Variants in XPO4 observed in about 807,000 individuals in gnomAD.
The protein encoded by XPO4 is exportin-4.
In XPO4, 39 loss-of-function variants were observed where a neutral mutation model predicts 143.0. The ratio of observed to expected loss-of-function variants is 0.27; its 90% CI spans 0.21 to 0.36. The LOEUF (loss-of-function observed/expected upper bound fraction) is 0.36. XPO4 is among the 10% of genes least tolerant of loss of function. The pLI is 1.00. For synonymous variants in XPO4, 439 were observed against 474.0 expected, an observed-to-expected ratio of 0.93 and a Z score of 0.96; for missense variants, 907 against 1,348.0, an observed-to-expected ratio of 0.67 and a Z score of 5.12.
intron 18 of XPO4, among the ~76,000 whole-genome samples, chr13:20,791,030 T>A (rs985625161): frequency 2.4e-4 from 37 of 151,902 alleles, no homozygotes; most frequent in Non-Finnish European, 2.2e-4. Flanking sequence ...ATACAGAAAT[T>A]AAAATGTTAC....
chr13:20,842,477 A>G (rs2059986340), intron 6 of XPO4, among the ~76,000 whole-genome samples: 2 of 152,222 alleles, frequency 1.3e-5, no homozygotes, highest in African/African-American at 2.4e-5. Flanking sequence ...CAACATCACC[A>G]TCCATAAAGA....
chr13:20,794,422 C>A (rs2059329043), intron 18 of XPO4, among the ~76,000 whole-genome samples: 1 of 152,066 alleles, frequency 6.6e-6, no homozygotes, highest in Non-Finnish European at 1.5e-5. Flanking sequence ...GACAGTAAAT[C>A]ATCTAAACAT....
intron 1 of XPO4, among the ~76,000 whole-genome samples, chr13:20,874,320 A>AT (rs1437727986): frequency 6.6e-6 from 1 of 152,264 alleles, no homozygotes; most frequent in Non-Finnish European, 1.5e-5. Context: ...TGTTCAACTC[A>AT]TATCATAGAG....
rs61343009 is a variant in XPO4 at position 20,851,859 on chromosome 13, C to T, written c.456+3768G>A. 3,672 of 985,362 alleles carry T rather than the reference C, an allele frequency of 3.7e-3. 99 individuals are homozygous for T. The African/African-American group carries it at 0.058, about 16-fold the overall frequency. The allele number at this position is 985,362 out of a possible 1,614,324, so 61.0% of individuals were successfully genotyped here. On this transcript the variant is annotated intron_variant, in intron 4 of 22. Coordinates refer to ENST00000255305, the MANE Select transcript of XPO4 (RefSeq NM_022459.5). ...ATGAAGAGAGCAAAATCTTCTCTAACTGAACAGCTATATCTGTTCCAATCA... is the reference window on the plus strand; with the variant it reads ...ATGAAGAGAGCAAAATCTTCTCTAATTGAACAGCTATATCTGTTCCAATCA...
chr13:20,884,598 G>A (rs774376138), intron 1 of XPO4, among the ~76,000 whole-genome samples: 1 of 152,014 alleles, frequency 6.6e-6, no homozygotes, highest in Non-Finnish European at 1.5e-5. Flanking sequence ...TTTTTATAGA[G>A]ATGGGATTTT....
At chr13:20,878,904 A>T (rs796193013) in intron 1 of XPO4, among the ~76,000 whole-genome samples, 3 of 152,226 alleles carry the variant, frequency 2.0e-5, no homozygotes, top group Non-Finnish European at 2.9e-5. Flanking sequence ...ATTTCTTTAA[A>T]TAAGTGGGCC....
intron 1 of XPO4, among the ~76,000 whole-genome samples, chr13:20,881,255 T>A (rs2060406541): frequency 2.0e-5 from 3 of 152,102 alleles, no homozygotes; most frequent in African/African-American, 7.2e-5. Context: ...TGGCAAATTT[T>A]ATGTTGAATT....
intron 6 of XPO4, among the ~76,000 whole-genome samples, chr13:20,840,038 AAAAG>A (rs2059958129): frequency 6.6e-6 from 1 of 152,050 alleles, no homozygotes; most frequent in Non-Finnish European, 1.5e-5. Context: ...ATAGATACAA[AAAAG>A]AAAGCAGATT....
At chr13:20,857,763 C>A (rs2060159263) in intron 3 of XPO4, 1 of 840,042 alleles carries the variant, frequency 1.2e-6, no homozygotes, top group Admixed American at 6.2e-5. Flanking sequence ...AAAATTAATG[C>A]ACAAAGAAGT....
Position 20,886,090 on chromosome 13 carries a change from T to C in XPO4, c.69+16580A>G, listed in dbSNP as rs61954214. ...ATCTAATGAATTTGATTTAATAGCATAAATACATTGCACCTTTAAGTGAAT... is the reference window on the plus strand; with the variant it reads ...ATCTAATGAATTTGATTTAATAGCACAAATACATTGCACCTTTAAGTGAAT... On this transcript the variant is annotated intron_variant, in intron 1 of 22. Coordinates refer to ENST00000255305, the MANE Select transcript of XPO4 (RefSeq NM_022459.5). Among the ~76,000 whole-genome samples the C allele has an allele frequency of 2.0e-3, 305 of 152,306 alleles. 1 individual carries two copies. The highest frequency in any genetic ancestry group is 7.5e-3 in the South Asian group (36 of 4,826).
chr13:20,805,951 T>C (rs2059498708), intron 13 of XPO4, among the ~76,000 whole-genome samples: 1 of 152,158 alleles, frequency 6.6e-6, no homozygotes, highest in Non-Finnish European at 1.5e-5. Context: ...CAATCCTCCA[T>C]AGTCTGTGCT....
At chr13:20,868,457 T>G (rs898391432) in intron 2 of XPO4, 139 bp downstream of exon 2, 5 of 1,289,970 alleles carry the variant, frequency 3.9e-6, no homozygotes, top group Non-Finnish European at 4.0e-6. Context: ...GCTACTCCAG[T>G]AGAATGATTA....
At chr13:20,851,723 A>G (rs867510431) in intron 4 of XPO4, 4 of 943,000 alleles carry the variant, frequency 4.2e-6, no homozygotes, top group South Asian at 9.8e-5. Context: ...AAAAAAAAAA[A>G]AAAAAAAGAA....
rs745449022 is a variant in XPO4 at position 20,796,730 on chromosome 13, T to A, written c.2616+34A>T. The A allele has an allele frequency of 9.4e-6, 14 of 1,490,452 alleles. No individual in the cohort carries two copies. The African/African-American group carries it at 2.0e-4, about 21-fold the overall frequency. The allele number at this position is 1,490,452 out of a possible 1,614,324, so 92.3% of individuals were successfully genotyped here. On this transcript the variant is annotated intron_variant, in intron 17 of 22. Coordinates refer to ENST00000255305, the MANE Select transcript of XPO4 (RefSeq NM_022459.5). ...ATTTTATTACAGCTTCAAAGAGTTTTAATCCTGAGGGGATAAAATTAGAAA... is the reference window on the plus strand; with the variant it reads ...ATTTTATTACAGCTTCAAAGAGTTTAAATCCTGAGGGGATAAAATTAGAAA...
At chr13:20,837,959 C>T (rs1272784104) in intron 6 of XPO4, among the ~76,000 whole-genome samples, 1 of 152,080 alleles carries the variant, frequency 6.6e-6, no homozygotes, top group Non-Finnish European at 1.5e-5. Context: ...CAGAGTCAAA[C>T]CACATCATGA....
At chr13:20,864,671 ATT>A (rs1184022906) in intron 2 of XPO4, among the ~76,000 whole-genome samples, 1 of 152,118 alleles carries the variant, frequency 6.6e-6, no homozygotes, top group Non-Finnish European at 1.5e-5. Flanking sequence ...ATTCCTAACT[ATT>A]TGTTTTTACA....
chr13:20,839,965 A>T (rs969294396), intron 6 of XPO4, among the ~76,000 whole-genome samples: 14 of 152,184 alleles, frequency 9.2e-5, no homozygotes, highest in African/African-American at 2.7e-4. Context: ...CCTAGGCAAC[A>T]GAGCAAGATT....
At chr13:20,852,878 A>C in intron 4 of XPO4, 2 of 985,350 alleles carry the variant, frequency 2.0e-6, no homozygotes, top group Non-Finnish European at 2.4e-6. Context: ...TTATAAATAC[A>C]AATAGCACAC....
rs2059107103 is a variant in XPO4 at position 20,778,601 on chromosome 13, G to A, written c.*5121C>T. On this transcript the variant is annotated 3_prime_UTR_variant, in exon 23 of 23. Transcript: ENST00000255305. ...GAAACTGTTTCTAAGACTGTGGGCT[G>A]AGATAAATATTATAAAATATAGACA... 6.6e-6 allele frequency: 1 copy of A among 152,120 alleles called. No homozygotes were observed. Among genetic ancestry groups the A allele is most frequent in the Admixed American group, 6.5e-5 (1 of 15,272 alleles). The allele number at this position is 152,120 out of a possible 1,614,324, so 9.4% of individuals were successfully genotyped here.
Sources: allele counts gnomAD v4.1 joint callset (sites outside exome capture counted in the v4.1 genomes callset), GRCh38; gene constraint gnomAD v4.1.1; transcripts MANE v1.5; gene names NCBI Gene and HGNC (gene_info 2026-07-23, HGNC 2026-07-21).